SNX29: variants seen among roughly 807,000 people sequenced by gnomAD.
SNX29 encodes sorting nexin 29.
A neutral mutation model predicts 102.1 loss-of-function variants in SNX29; 78 were observed. That is an observed-to-expected ratio of 0.76 (90% CI 0.64 to 0.92). The LOEUF (loss-of-function observed/expected upper bound fraction) is 0.92, where lower values mean the gene tolerates loss of function less well. SNX29 is among the 40% of genes least tolerant of loss of function. The pLI is 0.00. For missense variants in SNX29, 1,280 were observed against 1,061.7 expected, an observed-to-expected ratio of 1.21 and a Z score of -2.86; for synonymous variants, 580 against 414.5, an observed-to-expected ratio of 1.40 and a Z score of -4.85.
chr16:12,272,809 A>T (rs1400170777), intron 14 of SNX29, among the ~76,000 whole-genome samples: 2 of 152,088 alleles, frequency 1.3e-5, no homozygotes, highest in East Asian at 3.9e-4. Flanking sequence ...TGTTGCCTCC[A>T]TATCTCTGAT....
At chr16:12,302,631 C>A (rs752665843) in intron 15 of SNX29, among the ~76,000 whole-genome samples, 2 of 152,196 alleles carry the variant, frequency 1.3e-5, no homozygotes, top group Admixed American at 1.3e-4. Flanking sequence ...ATGACCTAAG[C>A]GCCTCCCAAA....
rs1236224370 is a variant in SNX29, at chr16:12,185,750, G to A, written c.1596-13851G>A. ...AGTTTTCAGCTTGGTATTCAGATTC[G>A]GGACATCTCACCCTCCAGCTGTTAT... On this transcript the variant is annotated intron_variant, in intron 13 of 20. Transcript: ENST00000566228. 3.9e-5 allele frequency among the ~76,000 whole-genome samples: 6 copies of A among 152,146 alleles called. No individual in the cohort carries two copies. In the East Asian group the frequency reaches 7.7e-4, roughly 20 times the overall value.
chr16:12,218,094 T>TA (rs753356836), intron 14 of SNX29, among the ~76,000 whole-genome samples: 6 of 152,194 alleles, frequency 3.9e-5, no homozygotes, highest in African/African-American at 1.2e-4. Flanking sequence ...TTTGCAATGA[T>TA]AAAAAAATTG....
At chr16:12,487,664 T>C (rs1671304690) in intron 19 of SNX29, among the ~76,000 whole-genome samples, 1 of 152,146 alleles carries the variant, frequency 6.6e-6, no homozygotes, top group African/African-American at 2.4e-5. Context: ...GTTCGTCATG[T>C]GAAGACAATT....
At chr16:12,345,090 A>G (rs1056438836) in intron 15 of SNX29, among the ~76,000 whole-genome samples, 3 of 152,306 alleles carry the variant, frequency 2.0e-5, no homozygotes, top group Admixed American at 2.0e-4. Context: ...AATAAGCCCT[A>G]CAAGTGTCTG....
At chr16:12,350,104 G>A (rs1442512279) in intron 15 of SNX29, among the ~76,000 whole-genome samples, 1 of 152,164 alleles carries the variant, frequency 6.6e-6, no homozygotes, top group Non-Finnish European at 1.5e-5. Flanking sequence ...GCATGTCACT[G>A]TCATAGAGTC....
At chr16:12,210,344 A>T (rs115280920) in intron 14 of SNX29, among the ~76,000 whole-genome samples, 2,990 of 148,460 alleles carry the variant, frequency 0.02, 52 homozygotes, top group Admixed American at 0.048. Flanking sequence ...TTTTTTTTTA[A>T]AGACACAGGG....
At chr16:12,072,911 C>T (rs1220335505) in intron 10 of SNX29, among the ~76,000 whole-genome samples, 2 of 152,112 alleles carry the variant, frequency 1.3e-5, no homozygotes, top group South Asian at 2.1e-4. Flanking sequence ...GTGTATGTTT[C>T]GAGGAATTTA....
At chr16:12,510,754 C>T (rs2089580836) in intron 19 of SNX29, among the ~76,000 whole-genome samples, 2 of 152,080 alleles carry the variant, frequency 1.3e-5, no homozygotes, top group African/African-American at 2.4e-5. Flanking sequence ...GTCCAGCCTG[C>T]AGTTTGCGTT....
intron 18 of SNX29, among the ~76,000 whole-genome samples, chr16:12,453,315 C>T (rs2086390171): frequency 6.6e-6 from 1 of 152,232 alleles, no homozygotes; most frequent in East Asian, 1.9e-4. Context: ...CCCAGGCAAC[C>T]ACCACTGTAC....
At chr16:12,361,535 G>A (rs1200309691) in intron 16 of SNX29, among the ~76,000 whole-genome samples, 4 of 152,020 alleles carry the variant, frequency 2.6e-5, no homozygotes, top group South Asian at 2.1e-4. Context: ...TAATCCTCAC[G>A]TGGCCTAATA....
intron 13 of SNX29, among the ~76,000 whole-genome samples, chr16:12,150,407 G>C (rs575053180): frequency 6.6e-6 from 1 of 152,204 alleles, no homozygotes; most frequent in African/African-American, 2.4e-5. Context: ...GTTAAGGATG[G>C]ATAAACAAGA....
intron 19 of SNX29, among the ~76,000 whole-genome samples, chr16:12,513,942 C>A (rs2089749198): frequency 6.6e-6 from 1 of 152,178 alleles, no homozygotes; most frequent in Admixed American, 6.5e-5. Flanking sequence ...TTAGCAACCG[C>A]ACAGTGGGCT....
At chr16:12,405,993 T>C (rs559882407) in intron 18 of SNX29, among the ~76,000 whole-genome samples, 4 of 152,016 alleles carry the variant, frequency 2.6e-5, no homozygotes, top group South Asian at 2.1e-4. Context: ...GATCGCACCA[T>C]TGCACTCCAG....
intron 19 of SNX29, among the ~76,000 whole-genome samples, chr16:12,521,854 C>G (rs2090113431): frequency 6.6e-6 from 1 of 152,184 alleles, no homozygotes; most frequent in Admixed American, 6.5e-5. Context: ...ACAACCTTGT[C>G]TAAATATCTT....
chr16:12,565,455 C>G (rs565229452), intron 20 of SNX29, among the ~76,000 whole-genome samples: 2 of 152,274 alleles, frequency 1.3e-5, no homozygotes, highest in African/African-American at 4.8e-5. Context: ...CCCTCCTCAT[C>G]CTGGGTTCTC....
rs951412022 is a variant in SNX29, at chr16:12,098,093, C to T, written c.1402+19178C>T. 4.6e-5 allele frequency among the ~76,000 whole-genome samples: 7 copies of T among 152,218 alleles called. No individual in the cohort carries two copies. The highest frequency in any genetic ancestry group is 1.3e-4 in the Admixed American group (2 of 15,286). ...ACTTGCCATGTGCAGTGCCCGCACA[C>T]GCTGGGCCCAGAGGACGCTCAGTAC... On this transcript the variant is annotated intron_variant, in intron 11 of 20. Coordinates refer to ENST00000566228, the MANE Select transcript of SNX29 (RefSeq NM_032167.5). This position sits in a 1 kb window ranked among gnomAD's most constrained non-coding sequence, Gnocchi z 6.0.
chr16:12,354,436 A>G (rs992264493), intron 15 of SNX29, among the ~76,000 whole-genome samples: 3 of 152,204 alleles, frequency 2.0e-5, no homozygotes, highest in African/African-American at 7.2e-5. Context: ...AGCTTATGGT[A>G]AACACAACTT....
chr16:12,076,978 A>G (rs1022580439), intron 10 of SNX29, among the ~76,000 whole-genome samples: 1 of 152,044 alleles, frequency 6.6e-6, no homozygotes, highest in East Asian at 1.9e-4. Flanking sequence ...TTTGCTATTT[A>G]TTTTAGAAAA....
Sources: gnomAD v4.1 joint callset for allele counts (sites outside exome capture counted in the v4.1 genomes callset) on GRCh38, gnomAD v4.1.1 for gene constraint, Gnocchi (gnomAD v3.1) non-coding constraint, MANE v1.5 for transcripts, NCBI Gene and HGNC (gene_info 2026-07-23, HGNC 2026-07-21) for gene names.